The following DCC variants were observed in gnomAD, a reference collection of about 807,000 sequenced individuals.
DCC encodes netrin receptor DCC.
Under a neutral mutation model 172.5 loss-of-function variants are expected in DCC, and 58 were observed. That is an observed-to-expected ratio of 0.34 (90% CI 0.27 to 0.42). The LOEUF (loss-of-function observed/expected upper bound fraction) is 0.42. Ranked by LOEUF, DCC falls within the 10% of genes least tolerant of loss-of-function variation. The pLI, the probability that DCC is intolerant of heterozygous loss-of-function variation, is 1.00. For synonymous variants in DCC, 709 were observed against 644.5 expected (o/e 1.10, Z -1.52); for missense variants, 1,740 against 1,791.0 (o/e 0.97, Z 0.51).
intron 1 of DCC, among the ~76,000 whole-genome samples, chr18:52,631,659 G>A (rs1419381876): frequency 3.3e-5 from 5 of 152,180 alleles, no homozygotes; most frequent in African/African-American, 9.7e-5. Context: ...CTCAGGCCAG[G>A]TTTTACAAAT....
At chr18:53,072,372 G>A (rs2042666321) in intron 7 of DCC, among the ~76,000 whole-genome samples, 1 of 152,162 alleles carries the variant, frequency 6.6e-6, no homozygotes, top group Admixed American at 6.5e-5. Context: ...AGCAGGAGAT[G>A]GGGAGCAAGG....
chr18:52,657,641 G>A (rs974703085), intron 1 of DCC, among the ~76,000 whole-genome samples: 1 of 152,122 alleles, frequency 6.6e-6, no homozygotes, highest in Non-Finnish European at 1.5e-5. Context: ...AGCTGGGTTG[G>A]TGTACATGGC....
chr18:53,301,000 T>TTTCTTTCTTTCTTTCTTTCTTTC (rs1413588962), intron 12 of DCC, among the ~76,000 whole-genome samples: 13 of 102,988 alleles, frequency 1.3e-4, no homozygotes, highest in Non-Finnish European at 1.9e-4. Context: ...TTTTTTTTTC[T>TTTCTTTCTTTCTTTCTTTCTTTC]TTTCTTTCTT....
intron 5 of DCC, among the ~76,000 whole-genome samples, chr18:52,949,731 ACT>A (rs1364261181): frequency 6.6e-6 from 1 of 152,114 alleles, no homozygotes; most frequent in Non-Finnish European, 1.5e-5. Context: ...CAGTGGCAAC[ACT>A]CTTGTCAAGG....
intron 1 of DCC, among the ~76,000 whole-genome samples, chr18:52,515,776 C>A (rs2031617622): frequency 6.6e-6 from 1 of 150,440 alleles, no homozygotes. Flanking sequence ...AAAACTGTTG[C>A]TTTGTAAAAG....
intron 1 of DCC, among the ~76,000 whole-genome samples, chr18:52,504,162 G>T (rs1016481280): frequency 6.6e-6 from 1 of 152,084 alleles, no homozygotes; most frequent in African/African-American, 2.4e-5. Context: ...TGGTACGGGT[G>T]ATTGCTGGGT....
chr18:52,503,247 T>C (rs1312379872), intron 1 of DCC, among the ~76,000 whole-genome samples: 12 of 152,150 alleles, frequency 7.9e-5, no homozygotes, highest in African/African-American at 2.9e-4. Flanking sequence ...AAGTCACTGT[T>C]AAACTAGGAC....
chr18:52,527,472 A>G (rs955698891), intron 1 of DCC, among the ~76,000 whole-genome samples: 1 of 152,214 alleles, frequency 6.6e-6, no homozygotes, highest in Non-Finnish European at 1.5e-5. Context: ...GTTAAGCTTA[A>G]TTGCACTTAA....
intron 21 of DCC, among the ~76,000 whole-genome samples, chr18:53,420,677 G>A (rs1910600287): frequency 6.6e-6 from 1 of 152,000 alleles, no homozygotes; most frequent in African/African-American, 2.4e-5. Context: ...TTGGATTGGG[G>A]CCCTACCCTA....
intron 1 of DCC, among the ~76,000 whole-genome samples, chr18:52,687,701 G>A (rs1408791863): frequency 1.3e-5 from 2 of 152,102 alleles, no homozygotes; most frequent in Non-Finnish European, 2.9e-5. Flanking sequence ...TAAAAAGCAA[G>A]TTTTAAAACT....
intron 7 of DCC, among the ~76,000 whole-genome samples, chr18:53,093,675 C>A (rs529397327): frequency 4.6e-5 from 7 of 152,196 alleles, no homozygotes; most frequent in African/African-American, 7.2e-5. Flanking sequence ...AAGCCTAGTG[C>A]AGCTGCTATG....
intron 27 of DCC, among the ~76,000 whole-genome samples, chr18:53,502,157 T>C (rs1324452654): frequency 6.6e-6 from 1 of 152,214 alleles, no homozygotes; most frequent in Non-Finnish European, 1.5e-5. Flanking sequence ...AAGCCATCTC[T>C]TCTTTCCTAT....
chr18:53,438,285 A>G (rs1315737083), intron 22 of DCC, among the ~76,000 whole-genome samples: 2 of 152,336 alleles, frequency 1.3e-5, no homozygotes, highest in African/African-American at 4.8e-5. Flanking sequence ...ATTAACCTAT[A>G]GGTTTCAACC....
intron 12 of DCC, among the ~76,000 whole-genome samples, chr18:53,304,598 C>A (rs2057178142): frequency 6.6e-6 from 1 of 152,044 alleles, no homozygotes; most frequent in African/African-American, 2.4e-5. Flanking sequence ...ATAAAGCTAC[C>A]AACACCTCCA....
chr18:53,305,837 A>T lies in DCC; in HGVS notation c.2053+118A>T, dbSNP rs867871914. 18 of 1,017,086 alleles carry T rather than the reference A, an allele frequency of 1.8e-5. No individual in the cohort carries two copies. The African/African-American group carries it at 2.5e-4, about 14-fold the overall frequency. 63.0% of individuals were successfully genotyped at this position (1,017,086 alleles called of 1,614,324 possible). Reference sequence around the variant, plus strand: ...TCTTCCTGGCATCCAGGCAGGTGACATCTATTGGCTGGAACAAGAACAACC... The same window carrying T: ...TCTTCCTGGCATCCAGGCAGGTGACTTCTATTGGCTGGAACAAGAACAACC... On this transcript the variant is annotated intron_variant, in intron 13 of 28. Transcript: ENST00000442544.
chr18:52,647,638 T>C (rs1212443761), intron 1 of DCC, among the ~76,000 whole-genome samples: 1 of 152,256 alleles, frequency 6.6e-6, no homozygotes, highest in Non-Finnish European at 1.5e-5. Context: ...GTACTAAACT[T>C]TCTTCTGACC....
intron 5 of DCC, among the ~76,000 whole-genome samples, chr18:53,018,669 G>A (rs896064044): frequency 6.6e-6 from 1 of 152,058 alleles, no homozygotes; most frequent in Non-Finnish European, 1.5e-5. Context: ...TGCTCAAGGA[G>A]CATTTCATGT....
At chr18:53,258,611 TGAG>T in intron 12 of DCC, among the ~76,000 whole-genome samples, 1 of 152,352 alleles carries the variant, frequency 6.6e-6, no homozygotes, top group Middle Eastern at 3.4e-3. Flanking sequence ...TTACATTTGC[TGAG>T]GAGTTCTTTA....
chr18:52,421,603 G>T (rs1215610777), intron 1 of DCC, among the ~76,000 whole-genome samples: 1 of 152,176 alleles, frequency 6.6e-6, no homozygotes, highest in Admixed American at 6.6e-5. Flanking sequence ...CTTTCTTGAA[G>T]CTCACTTCCA....
Sources: gnomAD v4.1 joint callset for allele counts (sites outside exome capture counted in the v4.1 genomes callset) on GRCh38, gnomAD v4.1.1 for gene constraint, MANE v1.5 for transcripts, NCBI Gene and HGNC (gene_info 2026-07-23, HGNC 2026-07-21) for gene names.